The following LRIF1 variants were observed in gnomAD, a reference collection of about 807,000 sequenced individuals.
LRIF1 encodes the protein ligand-dependent nuclear receptor-interacting factor 1.
LRIF1 carries 32 observed loss-of-function variants against 52.7 expected under a neutral mutation model. That is an observed-to-expected ratio of 0.61 (90% CI 0.46 to 0.82). LRIF1 has a LOEUF of 0.82. LRIF1 is among the 40% of genes least tolerant of loss of function. LRIF1 has a pLI of 0.00. For missense variants in LRIF1, 887 were observed against 892.0 expected, an observed-to-expected ratio of 0.99 and a Z score of 0.07; for synonymous variants, 323 against 317.4, an observed-to-expected ratio of 1.02 and a Z score of -0.19.
At chr1:110,911,216 A>G in the LRIF1 span, among the ~76,000 whole-genome samples, 3 of 152,296 alleles carry the variant, frequency 2.0e-5, no homozygotes, top group Admixed American at 6.5e-5. Flanking sequence ...TATTATGAAC[A>G]GTTCTATGCA....
intron 2 of LRIF1, 103 bp from the exon 3 acceptor site, chr1:110,950,226 A>C: frequency 3.7e-6 from 5 of 1,346,538 alleles, no homozygotes; most frequent in Non-Finnish European, 5.0e-6. Flanking sequence ...AGAACATATC[A>C]TGCTTTATGA....
chr1:110,913,451 T>A, the LRIF1 span, among the ~76,000 whole-genome samples: 3 of 152,210 alleles, frequency 2.0e-5, no homozygotes, highest in African/African-American at 7.2e-5. Context: ...GAACTTAAAT[T>A]AACAAGGAGA....
At chr1:110,891,209 T>A in the LRIF1 span, among the ~76,000 whole-genome samples, 1 of 152,256 alleles carries the variant, frequency 6.6e-6, no homozygotes, top group Non-Finnish European at 1.5e-5. Flanking sequence ...ACTGAATGTC[T>A]AAGATGAGCC....
downstream of LRIF1, among the ~76,000 whole-genome samples, chr1:110,946,064 T>C (rs955916494): frequency 3.9e-5 from 6 of 152,210 alleles, no homozygotes; most frequent in African/African-American, 1.4e-4. Context: ...CACAGCAACA[T>C]TACTTGTAGC....
the LRIF1 span, among the ~76,000 whole-genome samples, chr1:110,928,621 A>C: frequency 6.6e-6 from 1 of 152,240 alleles, no homozygotes; most frequent in South Asian, 2.1e-4. Context: ...AAATGTTAGA[A>C]TACGAGATTC....
At chr1:110,895,063 C>T in the LRIF1 span, 2 of 1,589,748 alleles carry the variant, frequency 1.3e-6, no homozygotes, top group Non-Finnish European at 1.7e-6. Context: ...TTTGTGAGTA[C>T]AGGTGGAATC....
chr1:110,926,483 C>T, the LRIF1 span, among the ~76,000 whole-genome samples: 1 of 151,854 alleles, frequency 6.6e-6, no homozygotes, highest in East Asian at 1.9e-4. Flanking sequence ...TTATATATTA[C>T]ACTTCACACT....
Position 110,963,636 on chromosome 1 carries a change from C to A in LRIF1, c.53G>T (p.Gly18Val). 1 of 1,609,456 alleles carries A rather than the reference C, an allele frequency of 6.2e-7. No homozygotes were observed. Among genetic ancestry groups the A allele is most frequent in the Non-Finnish European group, 8.5e-7 (1 of 1,176,350 alleles). The part of the protein sequence containing the change: ...VFLKPAEENS[G>V]NASRCVSGCM... The stretch of plus-strand genomic sequence containing the variant: ...CGGTACTTACCAACGCGAGGCGTTG[C>A]CTGAATTTTCCTCTGCGGGTTTCAG... Residue 18 changes from glycine (G) to valine (V), a missense_variant, in exon 1 of 4, where the codon GGC becomes GTC. By Grantham distance (109) the Gly-to-Val change is moderately radical. Coordinates refer to ENST00000369763, the MANE Select transcript of LRIF1 (RefSeq NM_018372.4).
chr1:110,888,584 C>T, the LRIF1 span, among the ~76,000 whole-genome samples: 1 of 152,062 alleles, frequency 6.6e-6, no homozygotes, highest in Non-Finnish European at 1.5e-5. Flanking sequence ...CCTGTTAATC[C>T]ATTGGCCAGA....
the LRIF1 span, among the ~76,000 whole-genome samples, chr1:110,924,544 G>A: frequency 2.0e-5 from 3 of 152,212 alleles, no homozygotes; most frequent in African/African-American, 4.8e-5. Flanking sequence ...AAAACCATCA[G>A]ATCTCGTGAG....
intron 1 of LRIF1, among the ~76,000 whole-genome samples, chr1:110,957,623 C>T (rs1001846767): frequency 6.6e-6 from 1 of 152,062 alleles, no homozygotes; most frequent in African/African-American, 2.4e-5. Flanking sequence ...GATGTCTTAC[C>T]AAACATTTTA....
chr1:110,906,362 T>G, the LRIF1 span, among the ~76,000 whole-genome samples: 1 of 152,082 alleles, frequency 6.6e-6, no homozygotes, highest in Non-Finnish European at 1.5e-5. Context: ...CTAGTCAACA[T>G]AGCGAGACCC....
the LRIF1 span, among the ~76,000 whole-genome samples, chr1:110,901,419 G>T: frequency 1.3e-5 from 2 of 148,916 alleles, no homozygotes; most frequent in Admixed American, 6.7e-5. Flanking sequence ...CTTGTGATCT[G>T]CCCACCTTGG....
chr1:110,917,348 C>G, the LRIF1 span, among the ~76,000 whole-genome samples: 182 of 152,298 alleles, frequency 1.2e-3, no homozygotes, highest in African/African-American at 4.1e-3. Flanking sequence ...TAACATCAGA[C>G]AGGAAGACAA....
chr1:110,908,862 C>T, the LRIF1 span, among the ~76,000 whole-genome samples: 1,416 of 152,204 alleles, frequency 9.3e-3, 30 homozygotes, highest in African/African-American at 0.032. Context: ...GAGACGTCAA[C>T]GCACAAGTTC....
At chr1:110,957,330 G>A (rs1013522050) in intron 1 of LRIF1, among the ~76,000 whole-genome samples, 5 of 148,104 alleles carry the variant, frequency 3.4e-5, no homozygotes, top group Non-Finnish European at 6.0e-5. Flanking sequence ...AAAATTAGCC[G>A]GGCGTGGTAG....
the LRIF1 span, among the ~76,000 whole-genome samples, chr1:110,887,380 T>C: frequency 6.6e-6 from 1 of 152,160 alleles, no homozygotes; most frequent in African/African-American, 2.4e-5. Flanking sequence ...TTTGAAAACA[T>C]AGTATCTGGC....
the LRIF1 span, among the ~76,000 whole-genome samples, chr1:110,889,697 T>C: frequency 3.3e-5 from 5 of 152,158 alleles, no homozygotes; most frequent in Non-Finnish European, 7.3e-5. Context: ...GGATAAGTGT[T>C]GGCCCGTTTT....
chr1:110,882,347 T>C, the LRIF1 span, among the ~76,000 whole-genome samples: 35,064 of 151,984 alleles, frequency 0.23, 4,710 homozygotes, highest in Middle Eastern at 0.38. Context: ...AAAAAAGTAT[T>C]CTTCATTCTG....
Sources: gnomAD v4.1 joint callset for allele counts (sites outside exome capture counted in the v4.1 genomes callset) on GRCh38, gnomAD v4.1.1 for gene constraint, MANE v1.5 for transcripts, NCBI Gene and HGNC (gene_info 2026-07-23, HGNC 2026-07-21) for gene names.